Variants in ZNF609 observed in about 807,000 individuals in gnomAD.
The protein encoded by ZNF609 is zinc finger protein 609.
ZNF609 carries 11 observed loss-of-function variants against 109.5 expected under a neutral mutation model. The observed-to-expected ratio is 0.10, with a 90% CI of 0.06 to 0.17. The LOEUF (loss-of-function observed/expected upper bound fraction) is 0.17. Among genes scored for constraint, ZNF609 ranks in the 10% least tolerant of loss-of-function variants. The pLI is 1.00. For synonymous variants in ZNF609, 646 were observed against 662.0 expected (o/e 0.98, Z 0.37); for missense variants, 1,559 against 1,772.4 (o/e 0.88, Z 2.16).
chr15:64,618,425 C>T (rs1354252950), intron 2 of ZNF609, among the ~76,000 whole-genome samples: 1 of 152,088 alleles, frequency 6.6e-6, no homozygotes, highest in Non-Finnish European at 1.5e-5. Flanking sequence ...TTACAGGGTG[C>T]TCTTTTAGTT....
At chr15:64,469,945 T>C (rs1893071161) in intron 1 of ZNF609, among the ~76,000 whole-genome samples, 1 of 152,188 alleles carries the variant, frequency 6.6e-6, no homozygotes, top group African/African-American at 2.4e-5. Flanking sequence ...TAATCTATTA[T>C]ATCTGAAATC....
At chr15:64,530,089 A>C (rs887963025) in intron 2 of ZNF609, among the ~76,000 whole-genome samples, 2 of 149,236 alleles carry the variant, frequency 1.3e-5, no homozygotes, top group African/African-American at 5.0e-5. Flanking sequence ...ATCTCGGCTC[A>C]CTGCAACCTC....
chr15:64,682,519 A>G lies in ZNF609; in HGVS notation c.*833A>G, dbSNP rs1196238278. 2 of 152,820 alleles carry G rather than the reference A, an allele frequency of 1.3e-5. No homozygotes were observed. Among genetic ancestry groups the G allele is most frequent in the Non-Finnish European group, 2.9e-5 (2 of 68,126 alleles). The allele number at this position is 152,820 out of a possible 1,614,324, so 9.5% of individuals were successfully genotyped here. Reference sequence around the variant, plus strand: ...TAAGTCCTGCTGCTTCTTATTCCCCAACTCCTTGCCCTTTTCCCTTCCCTC... The same window carrying G: ...TAAGTCCTGCTGCTTCTTATTCCCCGACTCCTTGCCCTTTTCCCTTCCCTC... On this transcript the variant is annotated 3_prime_UTR_variant, in exon 10 of 10. Transcript: ENST00000326648.
intron 2 of ZNF609, among the ~76,000 whole-genome samples, chr15:64,599,874 T>C (rs1348678256): frequency 6.6e-6 from 1 of 152,182 alleles, no homozygotes; most frequent in African/African-American, 2.4e-5. Flanking sequence ...GAATATGCTT[T>C]CTTCTTTTCT....
At chr15:64,538,016 G>C (rs1200988042) in intron 2 of ZNF609, among the ~76,000 whole-genome samples, 1 of 151,956 alleles carries the variant, frequency 6.6e-6, no homozygotes, top group Non-Finnish European at 1.5e-5. Flanking sequence ...TGAGGTGGGA[G>C]AATTGCTTGA....
chr15:64,635,477 G>T (rs1896159407), intron 3 of ZNF609, among the ~76,000 whole-genome samples: 1 of 152,102 alleles, frequency 6.6e-6, no homozygotes, highest in African/African-American at 2.4e-5. Flanking sequence ...TTCCTTATTT[G>T]TAAAATGAGG....
chr15:64,603,549 G>A (rs1895541502), intron 2 of ZNF609, among the ~76,000 whole-genome samples: 1 of 151,746 alleles, frequency 6.6e-6, no homozygotes, highest in Admixed American at 6.6e-5. Context: ...GATTACAGGC[G>A]TGAGCCACTG....
intron 2 of ZNF609, among the ~76,000 whole-genome samples, chr15:64,572,968 G>T (rs58837253): frequency 0.046 from 7,045 of 152,240 alleles, 541 homozygotes; most frequent in African/African-American, 0.16. Context: ...GGGACACGTA[G>T]TTCGGCTAGA....
intron 2 of ZNF609, among the ~76,000 whole-genome samples, chr15:64,617,977 T>G (rs1895824733): frequency 6.6e-6 from 1 of 152,160 alleles, no homozygotes; most frequent in Non-Finnish European, 1.5e-5. Context: ...TTAGCTTAAC[T>G]TTTGTTGGTG....
At chr15:64,658,631 A>C (rs1896526576) in intron 3 of ZNF609, among the ~76,000 whole-genome samples, 1 of 152,012 alleles carries the variant, frequency 6.6e-6, no homozygotes, top group Non-Finnish European at 1.5e-5. Flanking sequence ...GAGGTAGATT[A>C]ATCTGACAAT....
intron 2 of ZNF609, among the ~76,000 whole-genome samples, chr15:64,590,457 G>C (rs1444180480): frequency 1.3e-5 from 2 of 151,882 alleles, no homozygotes; most frequent in Admixed American, 6.6e-5. Context: ...GAGTAGCTGG[G>C]ATTAAAGGTG....
rs558289235 is a variant in ZNF609, at chr15:64,660,318, A to C, written c.974-10028A>C. On this transcript the variant is annotated intron_variant, in intron 3 of 9. Transcript: ENST00000326648. ...GAGTTCATTCTGAGGCCAGAGCCTG[A>C]ACATAAATACAGTTCCCCTCTGGCC... Among the ~76,000 whole-genome samples, 3 of 152,270 alleles carry C rather than the reference A, an allele frequency of 2.0e-5. No homozygotes were observed. In the South Asian group the frequency reaches 6.2e-4, roughly 32 times the overall value.
In ZNF609 at chr15:64,540,800, T is replaced by C. The variant is rs532487736; in HGVS notation, c.747+40634T>C. Among the ~76,000 whole-genome samples, 185 of 130,874 alleles carry C rather than the reference T, an allele frequency of 1.4e-3. No homozygotes were observed. The Middle Eastern group carries it at 0.021, about 15-fold the overall frequency. The allele number at this position is 130,874 out of a possible 152,430, so 85.9% of individuals were successfully genotyped here. On this transcript the variant is annotated intron_variant, in intron 2 of 9. Transcript: ENST00000326648. ...ATCCCAGCACTTTGGGAGGCTGAGG[T>C]GGGCGGATCACGAGGTCAAGAGATC... is the stretch of plus-strand genomic sequence containing the variant.
intron 1 of ZNF609, among the ~76,000 whole-genome samples, chr15:64,474,042 A>C (rs1893131529): frequency 6.9e-6 from 1 of 144,098 alleles, no homozygotes; most frequent in Non-Finnish European, 1.5e-5. Context: ...CAAAGTGCGG[A>C]GATTACAGGC....
At chr15:64,485,329 T>C (rs1014468573) in intron 1 of ZNF609, among the ~76,000 whole-genome samples, 6 of 152,204 alleles carry the variant, frequency 3.9e-5, no homozygotes, top group Admixed American at 6.6e-5. Context: ...GTATTAGATA[T>C]GGAACACTCA....
At chr15:64,478,194 G>GTGTGTGTC (rs1555414008) in intron 1 of ZNF609, among the ~76,000 whole-genome samples, 4 of 146,602 alleles carry the variant, frequency 2.7e-5, no homozygotes, top group East Asian at 1.9e-4. Context: ...GTGTGTGTGT[G>GTGTGTGTC]TGTCTGTTTA....
chr15:64,468,434 G>GT (rs201656287), intron 1 of ZNF609, among the ~76,000 whole-genome samples: 5,057 of 150,564 alleles, frequency 0.034, 140 homozygotes, highest in African/African-American at 0.072. Context: ...TTTTTTGTGT[G>GT]TTTTTTTTTG....
At position 64,627,191 on chromosome 15, in the gene ZNF609, C is replaced by CAA. The variant is rs560250739; in HGVS notation, c.973+4148_973+4149dup. ...GGCGACAGAGAGTGAGACTCCGTCT[C>CAA]AAAAAAAAAACAAAAAAAAACAAAA... On this transcript the variant is annotated intron_variant, in intron 3 of 9. Transcript: ENST00000326648. Among the ~76,000 whole-genome samples the CAA allele has an allele frequency of 6.1e-3, 752 of 123,916 alleles. 11 individuals are homozygous for CAA. Among genetic ancestry groups the CAA allele is most frequent in the African/African-American group, 0.022 (721 of 33,476 alleles). 81.3% of individuals were successfully genotyped at this position (123,916 alleles called of 152,430 possible). A position where few individuals can be genotyped will look rare whatever the true frequency, so the allele number is the denominator to read the frequency against.
intron 6 of ZNF609, 131 bp downstream of exon 6, chr15:64,678,613 T>C: frequency 7.8e-7 from 1 of 1,287,654 alleles, no homozygotes. Flanking sequence ...CTTTTTTCAC[T>C]GAGTCATTCT....
Sources: gnomAD v4.1 joint callset for allele counts (sites outside exome capture counted in the v4.1 genomes callset) on GRCh38, gnomAD v4.1.1 for gene constraint, MANE v1.5 for transcripts, NCBI Gene and HGNC (gene_info 2026-07-23, HGNC 2026-07-21) for gene names.